The following LGSN variants were observed in gnomAD, a reference collection of about 807,000 sequenced individuals.
LGSN encodes the protein lengsin, lens protein with glutamine synthetase domain.
A neutral mutation model predicts 19.5 loss-of-function variants in LGSN; 21 were observed. That is an observed-to-expected ratio of 1.07 (90% CI 0.76 to 1.55). The LOEUF is 1.55. Ranked by LOEUF, LGSN falls within the 40% of genes most tolerant of loss-of-function variation. The pLI, the probability that LGSN is intolerant of heterozygous loss-of-function variation, is 0.00. For synonymous variants in LGSN, 257 were observed against 215.6 expected (o/e 1.19, Z -1.68); for missense variants, 673 against 608.5 (o/e 1.11, Z -1.12).
the LGSN span, among the ~76,000 whole-genome samples, chr6:63,513,465 A>T: frequency 6.6e-6 from 1 of 152,122 alleles, no homozygotes; most frequent in Non-Finnish European, 1.5e-5. Context: ...CCCAATTACA[A>T]TGTTTGCCGT....
chr6:63,280,478 A>G lies in LGSN; in HGVS notation c.1073T>C (p.Leu358Pro). 2 of 1,614,156 alleles carry G rather than the reference A, an allele frequency of 1.2e-6. No homozygotes were observed. The highest frequency in any genetic ancestry group is 1.7e-6 in the Non-Finnish European group (2 of 1,180,038). ...LLKHSAALSC[L>P]MAPSVSCRKR... ...TCGGCAGCTAACAGAAGGCGCCATC[A>G]GGCAGCTGAGCGCAGCAGAGTGCTT... Residue 358 changes from leucine (L) to proline (P), a missense_variant, in exon 4 of 4, where the codon CTG becomes CCG. By Grantham distance (98) the Leu-to-Pro change is moderately conservative. Transcript: ENST00000370657.
chr6:63,430,487 C>A, the LGSN span, among the ~76,000 whole-genome samples: 1 of 152,090 alleles, frequency 6.6e-6, no homozygotes, highest in East Asian at 1.9e-4. Context: ...CTCGTAGGTT[C>A]AAGCAATTCT....
At chr6:63,458,726 TACTTTGGAAACA>T in the LGSN span, among the ~76,000 whole-genome samples, 1 of 152,208 alleles carries the variant, frequency 6.6e-6, no homozygotes, top group African/African-American at 2.4e-5. Context: ...AGAGAGAATG[TACTTTGGAAACA>T]ACTAACCAGG....
chr6:63,561,939 T>C, the LGSN span, among the ~76,000 whole-genome samples: 2 of 152,174 alleles, frequency 1.3e-5, no homozygotes, highest in South Asian at 2.1e-4. Context: ...GACCTATCGG[T>C]GCAACCTCTT....
At chr6:63,425,137 A>G in the LGSN span, among the ~76,000 whole-genome samples, 6 of 152,198 alleles carry the variant, frequency 3.9e-5, no homozygotes, top group East Asian at 1.2e-3. Context: ...CAGCAAGAAT[A>G]TGGAGAAACT....
the LGSN span, among the ~76,000 whole-genome samples, chr6:63,543,041 T>C: frequency 1.3e-5 from 2 of 152,216 alleles, no homozygotes; most frequent in Non-Finnish European, 2.9e-5. Flanking sequence ...TTAATTAACA[T>C]ATGGCCAATC....
At chr6:63,411,442 T>G in the LGSN span, among the ~76,000 whole-genome samples, 2 of 152,252 alleles carry the variant, frequency 1.3e-5, no homozygotes, top group African/African-American at 2.4e-5. Context: ...TTTTAAGATC[T>G]GTCCTTGAAG....
At chr6:63,352,819 A>G in the LGSN span, among the ~76,000 whole-genome samples, 1 of 152,086 alleles carries the variant, frequency 6.6e-6, no homozygotes, top group Non-Finnish European at 1.5e-5. Context: ...GTTGAATTAG[A>G]TAAGAGTAAG....
chr6:63,526,590 G>A, the LGSN span, among the ~76,000 whole-genome samples: 2 of 151,314 alleles, frequency 1.3e-5, no homozygotes, highest in African/African-American at 2.4e-5. Flanking sequence ...CAGGCGGATC[G>A]CAAGGTAAGG....
At chr6:63,512,395 C>CT in the LGSN span, among the ~76,000 whole-genome samples, 2 of 152,148 alleles carry the variant, frequency 1.3e-5, no homozygotes, top group Non-Finnish European at 2.9e-5. Context: ...TGCTCTCATT[C>CT]TTTGCGTGGT....
chr6:63,370,979 C>T, the LGSN span, among the ~76,000 whole-genome samples: 47 of 152,192 alleles, frequency 3.1e-4, no homozygotes, highest in South Asian at 8.3e-3. Context: ...TTTTATCATG[C>T]GCAATTTTTG....
the LGSN span, among the ~76,000 whole-genome samples, chr6:63,360,623 G>C: frequency 6.6e-6 from 1 of 150,474 alleles, no homozygotes; most frequent in African/African-American, 2.4e-5. Flanking sequence ...GCTCAGAGTA[G>C]TTTGATAGTC....
the LGSN span, among the ~76,000 whole-genome samples, chr6:63,418,290 C>T: frequency 1.4e-4 from 22 of 152,156 alleles, no homozygotes; most frequent in African/African-American, 4.3e-4. Context: ...AGGCCAGGTG[C>T]GGTGGCTCAC....
At chr6:63,425,231 G>A in the LGSN span, among the ~76,000 whole-genome samples, 1 of 152,142 alleles carries the variant, frequency 6.6e-6, no homozygotes, top group African/African-American at 2.4e-5. Flanking sequence ...AGCTAAACAT[G>A]CAACTACTGT....
chr6:63,572,452 T>G, the LGSN span: 3 of 372,362 alleles, frequency 8.1e-6, no homozygotes, highest in Non-Finnish European at 4.8e-6. Flanking sequence ...GCGCCGGCTA[T>G]AAAGGGGAGG....
the LGSN span, among the ~76,000 whole-genome samples, chr6:63,425,676 A>G: frequency 1.3e-5 from 2 of 152,158 alleles, no homozygotes; most frequent in African/African-American, 2.4e-5. Context: ...CCTGGTGGTG[A>G]CAGAAATATA....
the LGSN span, among the ~76,000 whole-genome samples, chr6:63,548,274 G>A: frequency 6.6e-6 from 1 of 152,160 alleles, no homozygotes; most frequent in African/African-American, 2.4e-5. Flanking sequence ...TTTGTTGTGT[G>A]ACATAACTTT....
the LGSN span, among the ~76,000 whole-genome samples, chr6:63,560,167 G>A: frequency 3.3e-5 from 5 of 151,690 alleles, no homozygotes; most frequent in South Asian, 2.1e-4. Flanking sequence ...GGGAAACCCC[G>A]TCTCTACTAA....
At chr6:63,422,052 C>T in the LGSN span, among the ~76,000 whole-genome samples, 1 of 152,150 alleles carries the variant, frequency 6.6e-6, no homozygotes, top group South Asian at 2.1e-4. Flanking sequence ...AAATGAAAGA[C>T]CAAAAAAATT....
Sources: allele counts gnomAD v4.1 joint callset (sites outside exome capture counted in the v4.1 genomes callset), GRCh38; gene constraint gnomAD v4.1.1; transcripts MANE v1.5; gene names NCBI Gene and HGNC (gene_info 2026-07-23, HGNC 2026-07-21).